Variants in UBR3 observed in about 807,000 individuals in gnomAD.
UBR3 encodes ubiquitin protein ligase E3 component n-recognin 3, also known as E3 ubiquitin-protein ligase UBR3.
UBR3 carries 85 observed loss-of-function variants against 243.2 expected under a neutral mutation model. That is an observed-to-expected ratio of 0.35 (90% CI 0.29 to 0.42). UBR3 has a LOEUF of 0.42. Ranked by LOEUF, UBR3 falls within the 10% of genes least tolerant of loss-of-function variation. The pLI, the probability that UBR3 is intolerant of heterozygous loss-of-function variation, is 1.00. For missense variants in UBR3, 1,686 were observed against 2,300.8 expected (o/e 0.73, Z 5.47); for synonymous variants, 748 against 799.8 (o/e 0.94, Z 1.09).
chr2:169,883,070 C>G (rs1237700406), intron 5 of UBR3, among the ~76,000 whole-genome samples: 2 of 152,200 alleles, frequency 1.3e-5, no homozygotes, highest in South Asian at 2.1e-4. Context: ...AGCTTTATGT[C>G]TTAAAATTAC....
At chr2:169,901,708 G>A (rs532341566) in intron 8 of UBR3, among the ~76,000 whole-genome samples, 1 of 152,316 alleles carries the variant, frequency 6.6e-6, no homozygotes, top group African/African-American at 2.4e-5. Context: ...AAGGGAAAAA[G>A]CCTTATAGTA....
At chr2:170,039,498 A>G (rs1381564271) in intron 31 of UBR3, among the ~76,000 whole-genome samples, 8 of 152,156 alleles carry the variant, frequency 5.3e-5, no homozygotes, top group African/African-American at 9.7e-5. Flanking sequence ...CAAGTATACT[A>G]AGGAATATTT....
chr2:169,877,460 TA>T lies in UBR3; in HGVS notation c.845-33del. 4.0e-6 allele frequency: 6 copies of T among 1,507,828 alleles called. 1 individual carries two copies. In the Middle Eastern group the frequency reaches 8.6e-4, roughly 217 times the overall value. The allele number at this position is 1,507,828 out of a possible 1,614,324, so 93.4% of individuals were successfully genotyped here. A position where few individuals can be genotyped will look rare whatever the true frequency, so the allele number is the denominator to read the frequency against. On this transcript the variant is annotated intron_variant, in intron 3 of 38. Transcript: ENST00000272793. ...GACCATACTGAGATTTTGAATGGAATATTTTTTTCTGATTTGAAGTTTGTTT... is the reference window on the plus strand; with the variant it reads ...GACCATACTGAGATTTTGAATGGAATTTTTTTTCTGATTTGAAGTTTGTTT...
intron 23 of UBR3, among the ~76,000 whole-genome samples, chr2:169,950,873 G>C (rs1574270039): frequency 6.6e-6 from 1 of 151,230 alleles, no homozygotes; most frequent in African/African-American, 2.4e-5. Context: ...CTTGGAAAGG[G>C]TTCAGTGTTT....
intron 19 of UBR3, among the ~76,000 whole-genome samples, chr2:169,936,083 G>A (rs1336572195): frequency 6.6e-6 from 1 of 151,738 alleles, no homozygotes; most frequent in Non-Finnish European, 1.5e-5. Flanking sequence ...TTTTGAGATG[G>A]AGTTTCACTT....
intron 10 of UBR3, among the ~76,000 whole-genome samples, chr2:169,911,199 A>AT (rs2085240221): frequency 6.6e-6 from 1 of 152,104 alleles, no homozygotes; most frequent in Non-Finnish European, 1.5e-5. Flanking sequence ...AAGATTGGAT[A>AT]AGAGGATGAC....
At chr2:169,861,270 T>G (rs2083078930) in intron 1 of UBR3, among the ~76,000 whole-genome samples, 1 of 152,208 alleles carries the variant, frequency 6.6e-6, no homozygotes, top group Non-Finnish European at 1.5e-5. Context: ...CACAAACTCT[T>G]TGACCAGTTA....
chr2:169,852,799 G>A (rs1217968542), intron 1 of UBR3, among the ~76,000 whole-genome samples: 2 of 131,584 alleles, frequency 1.5e-5, no homozygotes, highest in Non-Finnish European at 1.5e-5. Flanking sequence ...TGCAGTGAGC[G>A]GAGATCACAC....
intron 11 of UBR3, among the ~76,000 whole-genome samples, chr2:169,914,821 A>G (rs1276552723): frequency 6.6e-6 from 1 of 150,618 alleles, no homozygotes. Flanking sequence ...TTGTGTGTAT[A>G]TGTGGAGGGC....
intron 1 of UBR3, among the ~76,000 whole-genome samples, chr2:169,839,446 TTAGA>T (rs1041328007): frequency 2.0e-5 from 3 of 152,022 alleles, no homozygotes; most frequent in Non-Finnish European, 4.4e-5. Flanking sequence ...AGACCTAATG[TTAGA>T]TAGTATCTAT....
intron 24 of UBR3, among the ~76,000 whole-genome samples, chr2:169,961,770 T>G (rs780316292): frequency 1.3e-5 from 2 of 152,194 alleles, no homozygotes; most frequent in Non-Finnish European, 2.9e-5. Context: ...ATCTGAAGTT[T>G]TATCATTTGT....
At chr2:169,890,563 A>ATATATATATATATATATATATATGTG (rs1255881148) in intron 5 of UBR3, among the ~76,000 whole-genome samples, 4 of 83,862 alleles carry the variant, frequency 4.8e-5, no homozygotes, top group East Asian at 3.0e-4. Flanking sequence ...ATATATATAT[A>ATATATATATATATATATATATATGTG]TGTGTATATA....
At chr2:169,841,558 C>T (rs182482883) in intron 1 of UBR3, among the ~76,000 whole-genome samples, 6,574 of 152,314 alleles carry the variant, frequency 0.043, 163 homozygotes, top group Middle Eastern at 0.068. Context: ...GGAACTGGGG[C>T]TGCGTGCGGC....
At chr2:169,933,086 G>T in intron 19 of UBR3, 78 bp downstream of exon 19, 1 of 934,306 alleles carries the variant, frequency 1.1e-6, no homozygotes, top group South Asian at 1.7e-5. Context: ...ACACAGATAT[G>T]ATATGCTCTC....
At chr2:170,066,665 T>G (rs561868136) in intron 35 of UBR3, among the ~76,000 whole-genome samples, 6 of 152,300 alleles carry the variant, frequency 3.9e-5, no homozygotes, top group African/African-American at 1.4e-4. Flanking sequence ...TGCATTTTAA[T>G]TCATTTAAAC....
chr2:169,956,051 G>C (rs183262645), intron 23 of UBR3, among the ~76,000 whole-genome samples: 24 of 151,964 alleles, frequency 1.6e-4, no homozygotes, highest in Admixed American at 2.6e-4. Context: ...TTAGTTTTAT[G>C]TCTGACTTTA....
At chr2:169,893,954 GA>G (rs1192936849) in intron 6 of UBR3, among the ~76,000 whole-genome samples, 4 of 151,982 alleles carry the variant, frequency 2.6e-5, no homozygotes, top group Non-Finnish European at 4.4e-5. Context: ...ATCTGTCAGT[GA>G]ATTCTTTTGA....
intron 9 of UBR3, 31 bp downstream of exon 9, chr2:169,905,324 G>A: frequency 1.4e-5 from 19 of 1,407,282 alleles, no homozygotes; most frequent in East Asian, 5.4e-5. Context: ...TTAATTTTTT[G>A]GTTTACAAAA....
chr2:169,979,599 A>G (rs1407947464), intron 24 of UBR3, among the ~76,000 whole-genome samples: 1 of 152,222 alleles, frequency 6.6e-6, no homozygotes, highest in East Asian at 1.9e-4. Flanking sequence ...AGCCACATGA[A>G]GACATGGATG....
Sources: allele counts gnomAD v4.1 joint callset (sites outside exome capture counted in the v4.1 genomes callset), GRCh38; gene constraint gnomAD v4.1.1; transcripts MANE v1.5; gene names NCBI Gene and HGNC (gene_info 2026-07-23, HGNC 2026-07-21).